Variants in OPCML observed in about 807,000 individuals in gnomAD.
OPCML encodes the protein opioid binding protein/cell adhesion molecule like.
OPCML carries 13 observed loss-of-function variants against 37.8 expected under a neutral mutation model. The ratio of observed to expected loss-of-function variants is 0.34; its 90% CI spans 0.22 to 0.55. The LOEUF (loss-of-function observed/expected upper bound fraction) is 0.55, where lower values mean the gene tolerates loss of function less well. OPCML is among the 20% of genes least tolerant of loss of function. The pLI, the probability that OPCML is intolerant of heterozygous loss-of-function variation, is 0.91. For synonymous variants in OPCML, 176 were observed against 168.8 expected, an observed-to-expected ratio of 1.04 and a Z score of -0.33; for missense variants, 341 against 435.6, an observed-to-expected ratio of 0.78 and a Z score of 1.93.
intron 1 of OPCML, among the ~76,000 whole-genome samples, chr11:133,485,783 G>A (rs562629885): frequency 2.0e-5 from 3 of 152,320 alleles, no homozygotes; most frequent in African/African-American, 7.2e-5. Context: ...TGTGTGCAAA[G>A]CAGTAAACAC....
chr11:132,983,177 A>G (rs901228951), intron 1 of OPCML, among the ~76,000 whole-genome samples: 15 of 152,120 alleles, frequency 9.9e-5, no homozygotes, highest in Non-Finnish European at 1.9e-4. Context: ...GCATCTCTCT[A>G]CATCAAAATC....
intron 4 of OPCML, among the ~76,000 whole-genome samples, chr11:132,497,862 G>A (rs1290729895): frequency 6.6e-6 from 1 of 152,132 alleles, no homozygotes; most frequent in Non-Finnish European, 1.5e-5. Flanking sequence ...ATGAAAATGG[G>A]AGGCTACACT....
At chr11:132,960,336 T>C (rs985623535) in intron 1 of OPCML, among the ~76,000 whole-genome samples, 4 of 152,200 alleles carry the variant, frequency 2.6e-5, no homozygotes, top group Admixed American at 1.3e-4. Context: ...AAGTTTGCTG[T>C]GCTTAGTACA....
chr11:133,420,889 T>G, intron 1 of OPCML: 1 of 985,452 alleles, frequency 1.0e-6, no homozygotes, highest in Non-Finnish European at 1.2e-6. Context: ...GAGCGTCTCA[T>G]GAGCCTTCAA....
intron 4 of OPCML, among the ~76,000 whole-genome samples, chr11:132,438,609 T>G (rs910611241): frequency 5.4e-5 from 8 of 148,002 alleles, no homozygotes; most frequent in Admixed American, 4.0e-4. Flanking sequence ...GGGTGTAGGG[T>G]GTGCAGCAGG....
chr11:132,523,755 C>T (rs1045882805), intron 4 of OPCML, among the ~76,000 whole-genome samples: 1 of 152,176 alleles, frequency 6.6e-6, no homozygotes, highest in African/African-American at 2.4e-5. Flanking sequence ...GGCTAAATGG[C>T]ATTCACTAGA....
At chr11:133,349,197 C>T (rs1238486790) in intron 1 of OPCML, among the ~76,000 whole-genome samples, 8 of 152,200 alleles carry the variant, frequency 5.3e-5, no homozygotes, top group Non-Finnish European at 1.2e-4. Flanking sequence ...CCCTGAGCCA[C>T]ACTTGGCTAA....
At chr11:132,583,797 A>G (rs1040161921) in intron 3 of OPCML, among the ~76,000 whole-genome samples, 22 of 151,872 alleles carry the variant, frequency 1.4e-4, no homozygotes, top group African/African-American at 5.3e-4. Flanking sequence ...TGTTTTTAGT[A>G]GAGATGGAGT....
intron 2 of OPCML, among the ~76,000 whole-genome samples, chr11:132,804,524 G>A (rs1162090890): frequency 6.6e-6 from 1 of 152,160 alleles, no homozygotes; most frequent in Admixed American, 6.5e-5. Context: ...TAAATGCACT[G>A]CTGGGGAAAA....
intron 4 of OPCML, among the ~76,000 whole-genome samples, chr11:132,497,420 A>AG (rs996199509): frequency 6.6e-6 from 1 of 150,794 alleles, no homozygotes; most frequent in African/African-American, 2.5e-5. Flanking sequence ...GCTGAACAAA[A>AG]AAAAAAAAAA....
At chr11:132,548,999 A>G (rs1415352104) in intron 3 of OPCML, among the ~76,000 whole-genome samples, 1 of 152,182 alleles carries the variant, frequency 6.6e-6, no homozygotes, top group Non-Finnish European at 1.5e-5. Context: ...GAGTGACTCC[A>G]TCTTGGACAT....
chr11:132,574,311 T>G (rs2096445392), intron 3 of OPCML, among the ~76,000 whole-genome samples: 1 of 151,216 alleles, frequency 6.6e-6, no homozygotes, highest in African/African-American at 2.4e-5. Context: ...GCTTGATTTG[T>G]TCTTCTTTTT....
At chr11:133,334,747 C>G (rs1237165954) in intron 1 of OPCML, among the ~76,000 whole-genome samples, 1 of 152,122 alleles carries the variant, frequency 6.6e-6, no homozygotes, top group Non-Finnish European at 1.5e-5. Flanking sequence ...TAGAGTGTAC[C>G]AGTGAGTGAG....
intron 7 of OPCML, among the ~76,000 whole-genome samples, chr11:132,432,074 G>A (rs748083857): frequency 6.6e-6 from 1 of 152,192 alleles, no homozygotes; most frequent in African/African-American, 2.4e-5. Context: ...TGCAATAGGA[G>A]CAAAGTGCTC....
chr11:132,639,914 T>TG (rs1940747075), intron 3 of OPCML, among the ~76,000 whole-genome samples: 1 of 152,236 alleles, frequency 6.6e-6, no homozygotes, highest in South Asian at 2.1e-4. Context: ...GAGCATTTAC[T>TG]CACTAGAGGC....
chr11:133,526,745 G>C (rs1432865121), intron 1 of OPCML, among the ~76,000 whole-genome samples: 2 of 152,214 alleles, frequency 1.3e-5, no homozygotes, highest in Non-Finnish European at 2.9e-5. Context: ...AGGCTTTGCA[G>C]ATAAGTAGCA....
chr11:133,006,220 T>C, intron 1 of OPCML: 1 of 703,358 alleles, frequency 1.4e-6, no homozygotes, highest in Non-Finnish European at 1.7e-6. Context: ...GCCCCTCGTC[T>C]TCCTGCGTGG....
At chr11:132,576,649 T>C (rs1054879587) in intron 3 of OPCML, among the ~76,000 whole-genome samples, 2 of 152,156 alleles carry the variant, frequency 1.3e-5, no homozygotes, top group African/African-American at 4.8e-5. Context: ...TGTTCCTTTA[T>C]TTGGGACATC....
chr11:133,295,377 CAAGG>C (rs1942604018), intron 1 of OPCML, among the ~76,000 whole-genome samples: 1 of 152,076 alleles, frequency 6.6e-6, no homozygotes, highest in South Asian at 2.1e-4. Context: ...TTACAAAATC[CAAGG>C]AAGGCTGGCA....
Sources: allele counts gnomAD v4.1 joint callset (sites outside exome capture counted in the v4.1 genomes callset), GRCh38; gene constraint gnomAD v4.1.1; transcripts MANE v1.5; gene names NCBI Gene and HGNC (gene_info 2026-07-23, HGNC 2026-07-21).